PTPRK: variants seen among roughly 807,000 people sequenced by gnomAD.
PTPRK encodes receptor-type tyrosine-protein phosphatase kappa.
PTPRK carries 75 observed loss-of-function variants against 178.0 expected under a neutral mutation model. The ratio of observed to expected loss-of-function variants is 0.42; its 90% CI spans 0.35 to 0.51. The LOEUF (loss-of-function observed/expected upper bound fraction) is 0.51, where lower values mean the gene tolerates loss of function less well. Among genes scored for constraint, PTPRK ranks in the 20% least tolerant of loss-of-function variants. The pLI, the probability that PTPRK is intolerant of heterozygous loss-of-function variation, is 0.02. For missense variants in PTPRK, 1,441 were observed against 1,797.8 expected (o/e 0.80, Z 3.59); for synonymous variants, 637 against 620.6 (o/e 1.03, Z -0.39).
At position 128,438,816 on chromosome 6, in the gene PTPRK, G is replaced by A. The variant is rs542220497; in HGVS notation, c.101-41128C>T. ...CTTCTGAATTAATCACCAAATAATG[G>A]GCAGCATTTACAGAGAGCTCCTAGT... On this transcript the variant is annotated intron_variant, in intron 1 of 29. Coordinates refer to ENST00000368226, the MANE Select transcript of PTPRK (RefSeq NM_002844.4). Among the ~76,000 whole-genome samples, 136 of 152,102 alleles carry A rather than the reference G, an allele frequency of 8.9e-4. 1 individual carries two copies. The highest frequency in any genetic ancestry group is 2.9e-3 in the African/African-American group (121 of 41,484).
At chr6:128,418,795 G>C (rs1295330517) in intron 1 of PTPRK, among the ~76,000 whole-genome samples, 1 of 152,200 alleles carries the variant, frequency 6.6e-6, no homozygotes, top group Admixed American at 6.5e-5. Flanking sequence ...CAAATTTTAA[G>C]TGTTGCTTAG....
At chr6:128,187,080 C>A (rs956844979) in intron 6 of PTPRK, among the ~76,000 whole-genome samples, 1 of 151,996 alleles carries the variant, frequency 6.6e-6, no homozygotes, top group Non-Finnish European at 1.5e-5. Context: ...TATAACAAAC[C>A]TTGGTTAATC....
At chr6:128,292,440 T>G (rs1386964559) in intron 3 of PTPRK, among the ~76,000 whole-genome samples, 1 of 152,102 alleles carries the variant, frequency 6.6e-6, no homozygotes. Context: ...CTAATTGCAA[T>G]TTTATCAAAA....
chr6:128,151,220 G>A (rs1297238858), intron 7 of PTPRK, among the ~76,000 whole-genome samples: 1 of 151,726 alleles, frequency 6.6e-6, no homozygotes, highest in Non-Finnish European at 1.5e-5. Flanking sequence ...CCCATTTTAT[G>A]GATTTCAGCT....
At chr6:128,177,281 C>T (rs2114670067) in intron 7 of PTPRK, among the ~76,000 whole-genome samples, 1 of 151,690 alleles carries the variant, frequency 6.6e-6, no homozygotes. Flanking sequence ...TATAAATATA[C>T]CATTTTACTT....
chr6:128,121,111 A>T (rs529830712), intron 7 of PTPRK, among the ~76,000 whole-genome samples: 1 of 152,036 alleles, frequency 6.6e-6, no homozygotes, highest in Non-Finnish European at 1.5e-5. Flanking sequence ...AATAGTTGTA[A>T]AACTATTACT....
chr6:128,507,610 G>A (rs1856565776), intron 1 of PTPRK, among the ~76,000 whole-genome samples: 1 of 152,142 alleles, frequency 6.6e-6, no homozygotes, highest in Non-Finnish European at 1.5e-5. Flanking sequence ...CCACTAGACA[G>A]GGCAATGGGC....
In PTPRK at chr6:128,064,702, C is replaced by T. The variant is rs888385123; in HGVS notation, c.2194+56G>A. The T allele has an allele frequency of 3.2e-6, 5 of 1,547,052 alleles. No homozygotes were observed. In the African/African-American group the frequency reaches 7.0e-5, roughly 22 times the overall value. On this transcript the variant is annotated intron_variant, in intron 13 of 29. Transcript: ENST00000368226. ...CCTGAAGCAGGGAACAAAGTCCTTC[C>T]ATTTTAGAAAGGGGGTGAGAGTAGT...
chr6:128,505,989 G>T (rs143009947), intron 1 of PTPRK, among the ~76,000 whole-genome samples: 3 of 152,268 alleles, frequency 2.0e-5, no homozygotes, highest in African/African-American at 7.2e-5. Flanking sequence ...AAATTAAATA[G>T]CTAGGCAACC....
chr6:128,104,797 G>A (rs1789411506), intron 7 of PTPRK, among the ~76,000 whole-genome samples: 1 of 152,088 alleles, frequency 6.6e-6, no homozygotes, highest in Non-Finnish European at 1.5e-5. Flanking sequence ...CCTTAACATG[G>A]TTTAATGCTA....
chr6:127,977,179 C>T (rs1332831350), intron 25 of PTPRK, 125 bp from the exon 26 acceptor site: 5 of 911,018 alleles, frequency 5.5e-6, no homozygotes, highest in Non-Finnish European at 8.5e-6. Context: ...GCAGAAGGAG[C>T]CAGAGTGATG....
At chr6:128,159,899 A>G (rs551895986) in intron 7 of PTPRK, among the ~76,000 whole-genome samples, 2 of 151,868 alleles carry the variant, frequency 1.3e-5, no homozygotes, top group African/African-American at 4.8e-5. Flanking sequence ...GGATAAACAA[A>G]AAATTTAGCA....
In PTPRK at chr6:127,991,434, T is replaced by C. The variant is rs1256183861; in HGVS notation, c.2882-43A>G. On this transcript the variant is annotated intron_variant, in intron 19 of 29. Transcript: ENST00000368226. Reference sequence around the variant, plus strand: ...TGAATATTATGTTATCAAAGGAATTTTGTAGTTAGTAAGAAGTTTAGCTAA... The same window carrying C: ...TGAATATTATGTTATCAAAGGAATTCTGTAGTTAGTAAGAAGTTTAGCTAA... 5 of 1,452,902 alleles carry C rather than the reference T, an allele frequency of 3.4e-6. No individual in the cohort carries two copies. In the East Asian group the frequency reaches 7.3e-5, roughly 21 times the overall value. 90.0% of individuals were successfully genotyped at this position (1,452,902 alleles called of 1,614,324 possible).
chr6:128,107,711 G>GC (rs1789950575), intron 7 of PTPRK, among the ~76,000 whole-genome samples: 1 of 152,120 alleles, frequency 6.6e-6, no homozygotes, highest in Non-Finnish European at 1.5e-5. Context: ...AAAAATATCT[G>GC]TATTAAATCA....
intron 3 of PTPRK, among the ~76,000 whole-genome samples, chr6:128,244,302 C>T (rs187717527): frequency 5.8e-4 from 88 of 152,038 alleles, no homozygotes; most frequent in Non-Finnish European, 9.7e-4. Flanking sequence ...AGTTATCTGA[C>T]GAAGGATATC....
intron 7 of PTPRK, among the ~76,000 whole-genome samples, chr6:128,162,560 T>C (rs896986435): frequency 6.6e-6 from 1 of 151,752 alleles, no homozygotes; most frequent in Non-Finnish European, 1.5e-5. Context: ...ATTGAATTGA[T>C]TGTCAAATCC....
In PTPRK at chr6:128,445,220, AATTTATATATAATAGTATAAATAC is replaced by A. The variant is rs1240584797; in HGVS notation, c.101-47556_101-47533del. On this transcript the variant is annotated intron_variant, in intron 1 of 29. Transcript: ENST00000368226. ...TTTATTTATATATATATATATATAT[AATTTATATATAATAGTATAAATAC>A]TATATATAATTTATATATAATAGTA... Among the ~76,000 whole-genome samples the A allele has an allele frequency of 1.2e-3, 168 of 139,358 alleles. 1 individual carries two copies. The highest frequency in any genetic ancestry group is 4.6e-3 in the African/African-American group (162 of 35,374). The allele number at this position is 139,358 out of a possible 152,430, so 91.4% of individuals were successfully genotyped here.
intron 1 of PTPRK, among the ~76,000 whole-genome samples, chr6:128,450,069 G>A (rs964067150): frequency 6.7e-6 from 1 of 149,308 alleles, no homozygotes; most frequent in Non-Finnish European, 1.5e-5. Flanking sequence ...AGCAAGCTGA[G>A]ATCACGCCAT....
intron 5 of PTPRK, among the ~76,000 whole-genome samples, chr6:128,228,793 A>G (rs748869593): frequency 2.6e-4 from 39 of 152,304 alleles, no homozygotes; most frequent in Non-Finnish European, 4.4e-4. Flanking sequence ...ACTGTGATAC[A>G]TATTCTGGTA....
Sources: allele counts gnomAD v4.1 joint callset (sites outside exome capture counted in the v4.1 genomes callset), GRCh38; gene constraint gnomAD v4.1.1; transcripts MANE v1.5; gene names NCBI Gene and HGNC (gene_info 2026-07-23, HGNC 2026-07-21).